KCNK3: variants seen among roughly 807,000 people sequenced by gnomAD.
KCNK3 encodes the protein potassium channel subfamily K member 3.
In KCNK3, 9 loss-of-function variants were observed where a neutral mutation model predicts 27.3. The ratio of observed to expected loss-of-function variants is 0.33; its 90% CI spans 0.20 to 0.57. The LOEUF is 0.57. Ranked by LOEUF, KCNK3 falls within the 20% of genes least tolerant of loss-of-function variation. The pLI is 0.87. For missense variants in KCNK3, 391 were observed against 577.7 expected (o/e 0.68, Z 3.31); for synonymous variants, 278 against 273.8 (o/e 1.02, Z -0.15).
chr2:26,698,505 A>C (rs1670262601), intron 1 of KCNK3, among the ~76,000 whole-genome samples: 1 of 152,262 alleles, frequency 6.6e-6, no homozygotes, highest in African/African-American at 2.4e-5. Context: ...ATAAAAAGAA[A>C]GTGCCTGGTA....
chr2:26,722,554 C>T (rs1416928133), intron 1 of KCNK3, among the ~76,000 whole-genome samples: 1 of 152,236 alleles, frequency 6.6e-6, no homozygotes, highest in Non-Finnish European at 1.5e-5. Flanking sequence ...TGTTTGGCTT[C>T]AGAGCCTGTG....
rs185433139 is a variant in KCNK3 at position 26,716,189 on chromosome 2, G to C, written c.284-11478G>C. 9.2e-4 allele frequency among the ~76,000 whole-genome samples: 140 copies of C among 152,274 alleles called. 1 individual carries two copies. The highest frequency in any genetic ancestry group is 3.3e-3 in the Admixed American group (51 of 15,276). ...AAAACTGCCTTTGAATTTCAAGTTT[G>C]ATTCTACCATTTATGGCCTGAGATG... is the stretch of plus-strand genomic sequence containing the variant. On this transcript the variant is annotated intron_variant, in intron 1 of 1. Coordinates refer to ENST00000302909, the MANE Select transcript of KCNK3 (RefSeq NM_002246.3).
Position 26,692,916 on chromosome 2 carries a change from G to T in KCNK3, c.41G>T (p.Cys14Phe). The change falls in exon 1 of 2, where the codon TGC becomes TTC. Residue 14 changes from cysteine to phenylalanine, a missense_variant. Physicochemically the swap from Cys to Phe is radical, Grantham distance 205 (BLOSUM62 -2). Around this residue, in one of 4 missense-constraint regions of KCNK3, gnomAD observed 158 missense variants for 267.7 expected, o/e 0.59. Coordinates refer to ENST00000302909, the MANE Select transcript of KCNK3 (RefSeq NM_002246.3). This position sits in a 1 kb window ranked among gnomAD's most constrained non-coding sequence, Gnocchi z 5.6. ...GTGCGCACGCTGGCGCTCATCGTGT[G>T]CACCTTCACCTACCTGCTGGTGGGC... Reference protein sequence around the residue: ...QNVRTLALIVCTFTYLLVGAA... With the variant: ...QNVRTLALIVFTFTYLLVGAA... 6.6e-7 allele frequency: 1 copy of T among 1,524,366 alleles called. No homozygotes were observed. 94.4% of individuals were successfully genotyped at this position (1,524,366 alleles called of 1,614,324 possible).
chr2:26,726,400 G>T (rs1199298272), intron 1 of KCNK3, among the ~76,000 whole-genome samples: 1 of 152,142 alleles, frequency 6.6e-6, no homozygotes, highest in African/African-American at 2.4e-5. Flanking sequence ...CTCAAATAAG[G>T]CAGAGATCAT....
intron 1 of KCNK3, among the ~76,000 whole-genome samples, chr2:26,719,631 G>A (rs1039789656): frequency 6.6e-6 from 1 of 152,194 alleles, no homozygotes; most frequent in Admixed American, 6.5e-5. Context: ...AGTTTTCAAA[G>A]TGCTTCCACT....
Position 26,728,929 on chromosome 2 carries a change from C to G in KCNK3, c.*361C>G. The G allele has an allele frequency of 4.5e-6, 1 of 224,116 alleles. No individual in the cohort carries two copies. The highest frequency in any genetic ancestry group is 8.7e-6 in the Non-Finnish European group (1 of 115,334). 13.9% of individuals were successfully genotyped at this position (224,116 alleles called of 1,614,324 possible). A position where few individuals can be genotyped will look rare whatever the true frequency, so the allele number is the denominator to read the frequency against. ...CCACCTTCGGAGGGGACTTCATGTT[C>G]CGTGTACGTTTGCATCTCTATTTAT... is the stretch of plus-strand genomic sequence containing the variant. On this transcript the variant is annotated 3_prime_UTR_variant, in exon 2 of 2. Coordinates refer to ENST00000302909, the MANE Select transcript of KCNK3 (RefSeq NM_002246.3).
chr2:26,717,476 G>A (rs1477747558), intron 1 of KCNK3, among the ~76,000 whole-genome samples: 1 of 152,234 alleles, frequency 6.6e-6, no homozygotes, highest in Non-Finnish European at 1.5e-5. Context: ...AAAAAAGCAT[G>A]TGGGGGAAAA....
chr2:26,698,894 G>A (rs1004676815), intron 1 of KCNK3, among the ~76,000 whole-genome samples: 1 of 152,018 alleles, frequency 6.6e-6, no homozygotes, highest in Non-Finnish European at 1.5e-5. Flanking sequence ...AGCTAGCCAG[G>A]GGCTGGGTGT....
chr2:26,712,785 G>A (rs1572608678), intron 1 of KCNK3, among the ~76,000 whole-genome samples: 1 of 152,140 alleles, frequency 6.6e-6, no homozygotes, highest in Non-Finnish European at 1.5e-5. Flanking sequence ...CCCAGCAGCT[G>A]CCTCCAGGCT....
intron 1 of KCNK3, among the ~76,000 whole-genome samples, chr2:26,710,234 T>C (rs1453045844): frequency 6.6e-6 from 1 of 152,158 alleles, no homozygotes; most frequent in Non-Finnish European, 1.5e-5. Context: ...GGGAAAGAGC[T>C]TGGGGATCTT....
chr2:26,701,150 C>G (rs57035494), intron 1 of KCNK3, among the ~76,000 whole-genome samples: 3,687 of 152,334 alleles, frequency 0.024, 69 homozygotes, highest in Non-Finnish European at 0.037. Flanking sequence ...GACCTGACAT[C>G]TGGGAATAGC....
intron 1 of KCNK3, among the ~76,000 whole-genome samples, chr2:26,727,034 T>G (rs1663433035): frequency 6.6e-6 from 1 of 152,152 alleles, no homozygotes; most frequent in African/African-American, 2.4e-5. Flanking sequence ...GTGGGCCAGC[T>G]GCCCCAGGGA....
Position 26,732,669 on chromosome 2 carries a change from G to T in KCNK3, c.*4101G>T, listed in dbSNP as rs1663561685. ...TTGCCATTGACTCACCCACTCCTAA[G>T]GCCACCACATCAAAATCTGAGGCTT... On this transcript the variant is annotated 3_prime_UTR_variant, in exon 2 of 2. Coordinates refer to ENST00000302909, the MANE Select transcript of KCNK3 (RefSeq NM_002246.3). 6.6e-6 allele frequency: 1 copy of T among 152,260 alleles called. No homozygotes were observed. The highest frequency in any genetic ancestry group is 2.1e-4 in the South Asian group (1 of 4,840). The allele number at this position is 152,260 out of a possible 1,614,324, so 9.4% of individuals were successfully genotyped here.
Position 26,731,984 on chromosome 2 carries a change from G to C in KCNK3, c.*3416G>C, listed in dbSNP as rs1228825388. ...CTCCTGCAGTAGGGGCCCCCTGGCT[G>C]AGTGGCCTGATTGACTAAAACATAT... On this transcript the variant is annotated 3_prime_UTR_variant, in exon 2 of 2. Coordinates refer to ENST00000302909, the MANE Select transcript of KCNK3 (RefSeq NM_002246.3). The C allele has an allele frequency of 6.6e-6, 1 of 152,266 alleles. No individual in the cohort carries two copies. Among genetic ancestry groups the C allele is most frequent in the Non-Finnish European group, 1.5e-5 (1 of 68,044 alleles). The allele number at this position is 152,266 out of a possible 1,614,324, so 9.4% of individuals were successfully genotyped here.
intron 1 of KCNK3, among the ~76,000 whole-genome samples, chr2:26,699,400 G>A (rs1670279783): frequency 6.6e-6 from 1 of 152,100 alleles, no homozygotes. Context: ...GAGTGGGGGT[G>A]AGAACAGGAC....
intron 1 of KCNK3, among the ~76,000 whole-genome samples, chr2:26,701,902 T>G (rs1162725837): frequency 2.0e-5 from 3 of 152,202 alleles, no homozygotes; most frequent in Non-Finnish European, 2.9e-5. Context: ...AAAGCGCCAC[T>G]GTACTCCAGC....
At chr2:26,705,416 G>A (rs1342451288) in intron 1 of KCNK3, among the ~76,000 whole-genome samples, 3 of 152,106 alleles carry the variant, frequency 2.0e-5, no homozygotes, top group African/African-American at 4.8e-5. Flanking sequence ...CAACCCCAAG[G>A]TGTAGGCATC....
chr2:26,701,342 G>A (rs1486939528), intron 1 of KCNK3, among the ~76,000 whole-genome samples: 1 of 152,188 alleles, frequency 6.6e-6, no homozygotes, highest in Non-Finnish European at 1.5e-5. Context: ...GGAGCCGGGT[G>A]CTGTAGCTGG....
intron 1 of KCNK3, among the ~76,000 whole-genome samples, chr2:26,698,858 G>A (rs1178464431): frequency 1.3e-5 from 2 of 152,056 alleles, no homozygotes; most frequent in Non-Finnish European, 2.9e-5. Flanking sequence ...CACTTTGGGA[G>A]GCTGAGGTGG....
Sources: gnomAD v4.1 joint callset for allele counts (sites outside exome capture counted in the v4.1 genomes callset) on GRCh38, gnomAD v4.1.1 for gene constraint, gnomAD v4.1.1 regional missense constraint, Gnocchi (gnomAD v3.1) non-coding constraint, MANE v1.5 for transcripts, NCBI Gene and HGNC (gene_info 2026-07-23, HGNC 2026-07-21) for gene names.